The following MTARC1 variants were observed in gnomAD, a reference collection of about 807,000 sequenced individuals.
The protein encoded by MTARC1 is mitochondrial amidoxime reducing component 1.
A neutral mutation model predicts 33.6 loss-of-function variants in MTARC1; 24 were observed. That is an observed-to-expected ratio of 0.72 (90% CI 0.52 to 1.01). The LOEUF (loss-of-function observed/expected upper bound fraction) is 1.01. Among genes scored for constraint, MTARC1 ranks in the 50% least tolerant of loss-of-function variants. MTARC1 has a pLI of 0.00. For synonymous variants in MTARC1, 187 were observed against 189.5 expected (o/e 0.99, Z 0.11); for missense variants, 417 against 445.7 (o/e 0.94, Z 0.58).
At chr1:220,791,272 G>T in intron 1 of MTARC1, 1 of 461,354 alleles carries the variant, frequency 2.2e-6, no homozygotes, top group Non-Finnish European at 3.9e-6. Flanking sequence ...CCAGATATAT[G>T]TTGGATGCTT....
chr1:220,799,522 G>A (rs1380200158), intron 4 of MTARC1, among the ~76,000 whole-genome samples: 2 of 152,202 alleles, frequency 1.3e-5, no homozygotes, highest in African/African-American at 4.8e-5. Context: ...AGAAATGAGT[G>A]GGGAGGGTTT....
chr1:220,791,396 A>G (rs2102585690), intron 1 of MTARC1, 95 bp from the exon 2 acceptor site: 1 of 1,389,342 alleles, frequency 7.2e-7, no homozygotes. Flanking sequence ...ATGGGGAAGA[A>G]ATCAAAGATG....
At chr1:220,790,045 G>C (rs1026844122) in intron 1 of MTARC1, among the ~76,000 whole-genome samples, 2 of 152,120 alleles carry the variant, frequency 1.3e-5, no homozygotes, top group Non-Finnish European at 2.9e-5. Flanking sequence ...ACTTCAAAAT[G>C]GTTAAAATCA....
intron 6 of MTARC1, among the ~76,000 whole-genome samples, chr1:220,809,609 A>C (rs1240694166): frequency 2.6e-5 from 4 of 152,210 alleles, no homozygotes; most frequent in Non-Finnish European, 5.9e-5. Context: ...TCCTGGGTTC[A>C]AGCAATCCTC....
At position 220,816,793 on chromosome 1, in the gene MTARC1, A is replaced by G. The variant is rs1261229089; in HGVS notation, c.*3375A>G. Reference sequence around the variant, plus strand: ...TCTCCCTTGCCCCTCTTGCTGGAGTAAAAGGATGGAACTGGGACTTGATAG... The same window carrying G: ...TCTCCCTTGCCCCTCTTGCTGGAGTGAAAGGATGGAACTGGGACTTGATAG... On this transcript the variant is annotated 3_prime_UTR_variant, in exon 7 of 7. Transcript: ENST00000366910. 1 of 152,306 alleles carries G rather than the reference A, an allele frequency of 6.6e-6. No individual in the cohort carries two copies. 9.4% of individuals were successfully genotyped at this position (152,306 alleles called of 1,614,324 possible).
intron 6 of MTARC1, among the ~76,000 whole-genome samples, chr1:220,812,973 GC>G (rs1673181420): frequency 6.6e-6 from 1 of 152,092 alleles, no homozygotes; most frequent in Non-Finnish European, 1.5e-5. Context: ...TGATCTGCCA[GC>G]CTCGGCCTCC....
At position 220,791,682 on chromosome 1, in the gene MTARC1, C is replaced by T. The variant is rs372483735; in HGVS notation, c.449+18C>T. 18 of 1,609,500 alleles carry T rather than the reference C, an allele frequency of 1.1e-5. No homozygotes were observed. Among genetic ancestry groups the T allele is most frequent in the South Asian group, 4.4e-5 (4 of 90,926 alleles). On this transcript the variant is annotated intron_variant, in intron 2 of 6. Transcript: ENST00000366910. ...AAGTGCAGGTAAGGAAAGGGCAGGT[C>T]GTAGCCCTTGTGTGAATGAATAGTC... is the stretch of plus-strand genomic sequence containing the variant.
intron 3 of MTARC1, among the ~76,000 whole-genome samples, chr1:220,797,280 C>A (rs1672651505): frequency 6.6e-6 from 1 of 151,928 alleles, no homozygotes; most frequent in Admixed American, 6.6e-5. Flanking sequence ...TTTACCATGG[C>A]CATAAAAAAA....
In MTARC1 at chr1:220,815,498, C is replaced by T. The variant is rs1158509309; in HGVS notation, c.*2080C>T. 6.6e-6 allele frequency: 1 copy of T among 152,254 alleles called. No individual in the cohort carries two copies. Among genetic ancestry groups the T allele is most frequent in the Non-Finnish European group, 1.5e-5 (1 of 68,060 alleles). The allele number at this position is 152,254 out of a possible 1,614,324, so 9.4% of individuals were successfully genotyped here. On this transcript the variant is annotated 3_prime_UTR_variant, in exon 7 of 7. Coordinates refer to ENST00000366910, the MANE Select transcript of MTARC1 (RefSeq NM_022746.4). ...GAAGGGAGCACCCAGAAACCCTCCT[C>T]ACTGGGCAGACCTGTCCTTCTGTGC...
At chr1:220,802,935 C>CAGA (rs1483041012) in intron 4 of MTARC1, among the ~76,000 whole-genome samples, 1 of 152,334 alleles carries the variant, frequency 6.6e-6, no homozygotes, top group East Asian at 1.9e-4. Context: ...CTGACTTGCT[C>CAGA]AGAAGCCTTT....
In MTARC1 at chr1:220,801,685, T is replaced by C. The variant is rs373703463; in HGVS notation, c.754-3367T>C. Among the ~76,000 whole-genome samples the C allele has an allele frequency of 3.9e-5, 6 of 152,114 alleles. No individual in the cohort carries two copies. In the East Asian group the frequency reaches 9.7e-4, roughly 24 times the overall value. On this transcript the variant is annotated intron_variant, in intron 4 of 6. Transcript: ENST00000366910. ...GGTTTTGGGGAGTCTGGGAAGAATT[T>C]TTGGCCAGGGAGTGACTGAATCCGA... is the stretch of plus-strand genomic sequence containing the variant.
chr1:220,804,980 T>C, intron 4 of MTARC1, 72 bp from the exon 5 acceptor site: 1 of 1,544,900 alleles, frequency 6.5e-7, no homozygotes, highest in South Asian at 1.1e-5. Flanking sequence ...CGAGGGCTCC[T>C]GGGAAATCTC....
intron 1 of MTARC1, 41 bp from the exon 2 acceptor site, chr1:220,791,450 C>T (rs936461064): frequency 6.3e-7 from 1 of 1,597,874 alleles, no homozygotes. Flanking sequence ...TGGCTTCCTG[C>T]CATAATGGTT....
chr1:220,790,695 C>T (rs1478638426), intron 1 of MTARC1, among the ~76,000 whole-genome samples: 1 of 152,184 alleles, frequency 6.6e-6, no homozygotes, highest in African/African-American at 2.4e-5. Context: ...AAAGCACATG[C>T]TCACTTCTAT....
chr1:220,793,137 A>G (rs2102588504), intron 2 of MTARC1: 1 of 152,328 alleles, frequency 6.6e-6, no homozygotes, highest in Middle Eastern at 3.4e-3. Flanking sequence ...GTTAAAAAAC[A>G]TTTTGCCATT....
rs1158448886 is a variant in MTARC1 at position 220,814,401 on chromosome 1, C to T, written c.*983C>T. The T allele has an allele frequency of 5.3e-5, 8 of 152,164 alleles. No individual in the cohort carries two copies. Among genetic ancestry groups the T allele is most frequent in the Non-Finnish European group, 1.2e-4 (8 of 68,028 alleles). 9.4% of individuals were successfully genotyped at this position (152,164 alleles called of 1,614,324 possible). On this transcript the variant is annotated 3_prime_UTR_variant, in exon 7 of 7. Transcript: ENST00000366910. ...GAAGCTACTTTGACTAGTTTCAGAT[C>T]TTACTAACTTCTTGGCACAAAGTTA...
intron 4 of MTARC1, among the ~76,000 whole-genome samples, chr1:220,801,651 T>G (rs1672810809): frequency 1.3e-5 from 2 of 152,214 alleles, no homozygotes; most frequent in South Asian, 4.2e-4. Flanking sequence ...GCACAGGTAC[T>G]TGGTGTCAGG....
At position 220,787,587 on chromosome 1, in the gene MTARC1, C is replaced by T. The variant is rs563787870; in HGVS notation, c.275+368C>T. On this transcript the variant is annotated intron_variant, in intron 1 of 6. Coordinates refer to ENST00000366910, the MANE Select transcript of MTARC1 (RefSeq NM_022746.4). ...GCGGCTAGCTTGAAGAGGTTGGTTC[C>T]CAGTCGCTATTTTGAGTGACTTTCT... Among the ~76,000 whole-genome samples the T allele has an allele frequency of 4.6e-4, 70 of 152,106 alleles. 1 individual carries two copies. In the South Asian group the frequency reaches 0.014, roughly 31 times the overall value.
intron 4 of MTARC1, among the ~76,000 whole-genome samples, chr1:220,799,895 C>T (rs2807836): frequency 2.4e-4 from 36 of 152,342 alleles, no homozygotes; most frequent in African/African-American, 8.2e-4. Flanking sequence ...CTGATGGGAG[C>T]TGTGAGAATC....
Sources: gnomAD v4.1 joint callset for allele counts (sites outside exome capture counted in the v4.1 genomes callset) on GRCh38, gnomAD v4.1.1 for gene constraint, MANE v1.5 for transcripts, NCBI Gene and HGNC (gene_info 2026-07-23, HGNC 2026-07-21) for gene names.